Variants in RBFOX1 observed in about 807,000 individuals in gnomAD.
RBFOX1 encodes the protein RNA binding fox-1 homolog 1.
A neutral mutation model predicts 57.7 loss-of-function variants in RBFOX1; 8 were observed. The ratio of observed to expected loss-of-function variants is 0.14; its 90% CI spans 0.08 to 0.25. The LOEUF is 0.25. Ranked by LOEUF, RBFOX1 falls within the 10% of genes least tolerant of loss-of-function variation. The pLI is 1.00. For missense variants in RBFOX1, 611 were observed against 548.5 expected (o/e 1.11, Z -1.14); for synonymous variants, 326 against 222.4 (o/e 1.47, Z -4.15).
chr16:5,969,477 A>ATTTTTTTTT (rs34622040), intron 4 of RBFOX1, among the ~76,000 whole-genome samples: 7 of 117,034 alleles, frequency 6.0e-5, no homozygotes, highest in Non-Finnish European at 5.2e-5. Context: ...ACGCCTGGCT[A>ATTTTTTTTT]TTTTTTTTTT....
chr16:7,627,140 C>T (rs28664920), intron 10 of RBFOX1, among the ~76,000 whole-genome samples: 33,544 of 110,828 alleles, frequency 0.3, 7,175 homozygotes, highest in African/African-American at 0.63. Flanking sequence ...TTTTTTTTTT[C>T]TTTTAAGTTG....
chr16:7,531,730 G>A (rs2080126095), intron 5 of RBFOX1, among the ~76,000 whole-genome samples: 2 of 152,158 alleles, frequency 1.3e-5, no homozygotes. Context: ...AACCCATTTT[G>A]TGTGATTACC....
intron 3 of RBFOX1, among the ~76,000 whole-genome samples, chr16:5,675,991 A>G (rs2191099): frequency 0.19 from 28,312 of 152,116 alleles, 3,616 homozygotes; most frequent in African/African-American, 0.34. Flanking sequence ...ATTTAAAAAA[A>G]GAAGGCATCG....
chr16:5,344,375 C>A (rs770060210), intron 1 of RBFOX1, among the ~76,000 whole-genome samples: 3 of 152,180 alleles, frequency 2.0e-5, no homozygotes, highest in Non-Finnish European at 2.9e-5. Flanking sequence ...TTAAAAACAA[C>A]CTGATTGGGG....
chr16:5,442,890 C>A (rs995064600), intron 1 of RBFOX1, among the ~76,000 whole-genome samples: 1 of 152,010 alleles, frequency 6.6e-6, no homozygotes, highest in South Asian at 2.1e-4. Context: ...TTGAGATGAC[C>A]CTGCATTTAA....
intron 1 of RBFOX1, among the ~76,000 whole-genome samples, chr16:5,403,887 AT>A (rs1567457229): frequency 6.6e-6 from 1 of 152,142 alleles, no homozygotes; most frequent in African/African-American, 2.4e-5. Context: ...AAAGATAGTC[AT>A]AAGGGAAAGA....
chr16:6,801,173 A>T (rs1456872929), intron 3 of RBFOX1, among the ~76,000 whole-genome samples: 1 of 150,428 alleles, frequency 6.6e-6, no homozygotes, highest in Non-Finnish European at 1.5e-5. Flanking sequence ...ACACACTGTG[A>T]ATGGCAAGAA....
chr16:7,431,136 C>T (rs1023153834), intron 4 of RBFOX1: 2 of 152,188 alleles, frequency 1.3e-5, no homozygotes, highest in Non-Finnish European at 2.9e-5. Context: ...GTGTGCCATG[C>T]ACTGTGCTAG....
At chr16:5,398,152 A>G (rs530601020) in intron 1 of RBFOX1, among the ~76,000 whole-genome samples, 5 of 152,312 alleles carry the variant, frequency 3.3e-5, no homozygotes, top group African/African-American at 1.2e-4. Context: ...ACCTAAGCTG[A>G]CAACTGAAGG....
chr16:6,760,386 C>T (rs1477828752), intron 3 of RBFOX1, among the ~76,000 whole-genome samples: 1 of 152,186 alleles, frequency 6.6e-6, no homozygotes, highest in Non-Finnish European at 1.5e-5. Context: ...AATTCTTCAA[C>T]ATCTTAACTA....
intron 3 of RBFOX1, among the ~76,000 whole-genome samples, chr16:5,743,701 G>T (rs760258942): frequency 1.3e-5 from 2 of 152,028 alleles, no homozygotes; most frequent in African/African-American, 4.8e-5. Context: ...AACGAGATCT[G>T]CCTTGTAACA....
chr16:7,135,328 A>T (rs1018354993), intron 4 of RBFOX1, among the ~76,000 whole-genome samples: 5 of 152,218 alleles, frequency 3.3e-5, no homozygotes, highest in African/African-American at 1.2e-4. Context: ...TGCAAGAGGA[A>T]ATTTGTCAGC....
chr16:5,455,526 G>T (rs1173250499), intron 1 of RBFOX1, among the ~76,000 whole-genome samples: 1 of 152,132 alleles, frequency 6.6e-6, no homozygotes, highest in Non-Finnish European at 1.5e-5. Flanking sequence ...GAGAATATTT[G>T]AGATTCTTTC....
At chr16:6,167,749 G>A (rs981623833) in intron 1 of RBFOX1, among the ~76,000 whole-genome samples, 1 of 152,136 alleles carries the variant, frequency 6.6e-6, no homozygotes, top group South Asian at 2.1e-4. Context: ...ATTCTTGGAT[G>A]TGGTCCTGGG....
At chr16:7,291,755 G>A (rs1427926454) in intron 4 of RBFOX1, among the ~76,000 whole-genome samples, 1 of 151,722 alleles carries the variant, frequency 6.6e-6, no homozygotes, top group Non-Finnish European at 1.5e-5. Flanking sequence ...AGAGGTCATG[G>A]CTAGGGATGC....
chr16:7,321,746 A>T (rs1028801226), intron 4 of RBFOX1, among the ~76,000 whole-genome samples: 1 of 152,246 alleles, frequency 6.6e-6, no homozygotes, highest in African/African-American at 2.4e-5. Context: ...GTCATGTAAG[A>T]GCCAGAAAGG....
At chr16:7,706,658 T>C (rs941407424) in intron 14 of RBFOX1, among the ~76,000 whole-genome samples, 3 of 152,206 alleles carry the variant, frequency 2.0e-5, no homozygotes, top group Non-Finnish European at 2.9e-5. Flanking sequence ...TAACAAACTC[T>C]CAAGGATTTC....
chr16:7,160,763 C>T (rs532836399), intron 4 of RBFOX1, among the ~76,000 whole-genome samples: 2 of 151,652 alleles, frequency 1.3e-5, no homozygotes, highest in Middle Eastern at 3.4e-3. Context: ...ATTCCTCCTC[C>T]TCCTCCGCCT....
At chr16:6,350,207 C>T (rs557859552) in intron 2 of RBFOX1, among the ~76,000 whole-genome samples, 8 of 151,892 alleles carry the variant, frequency 5.3e-5, no homozygotes, top group Non-Finnish European at 8.8e-5. Flanking sequence ...GAGGCTAAGG[C>T]GGGCAGATTG....
Sources: allele counts gnomAD v4.1 joint callset (sites outside exome capture counted in the v4.1 genomes callset), GRCh38; gene constraint gnomAD v4.1.1; transcripts MANE v1.5; gene names NCBI Gene and HGNC (gene_info 2026-07-23, HGNC 2026-07-21).